Variants in ULBP1 observed in about 807,000 individuals in gnomAD.
The protein encoded by ULBP1 is UL16 binding protein 1, also known as UL16-binding protein 1.
In ULBP1, 28 loss-of-function variants were observed where a neutral mutation model predicts 25.3. The ratio of observed to expected loss-of-function variants is 1.10; its 90% CI spans 0.82 to 1.51. The LOEUF is 1.51. Ranked by LOEUF, ULBP1 falls within the 40% of genes most tolerant of loss-of-function variation. The pLI is 0.00. For missense variants in ULBP1, 348 were observed against 290.9 expected (o/e 1.20, Z -1.43); for synonymous variants, 129 against 103.0 (o/e 1.25, Z -1.53).
chr6:149,973,632 A>G lies in ULBP1; in HGVS notation c.*2286A>G, dbSNP rs759724931. On this transcript the variant is annotated 3_prime_UTR_variant, in exon 5 of 5. Coordinates refer to ENST00000229708, the MANE Select transcript of ULBP1 (RefSeq NM_025218.4). ...TAAGTTGTATGATGATAATTGTATA[A>G]AAATTTGTATGATGATAATTGTATA... 1 of 152,216 alleles carries G rather than the reference A, an allele frequency of 6.6e-6. No homozygotes were observed. Among genetic ancestry groups the G allele is most frequent in the Non-Finnish European group, 1.5e-5 (1 of 68,036 alleles). 9.4% of individuals were successfully genotyped at this position (152,216 alleles called of 1,614,324 possible).
intron 1 of ULBP1, among the ~76,000 whole-genome samples, chr6:149,966,101 T>C (rs1023843852): frequency 1.3e-4 from 20 of 152,020 alleles, no homozygotes; most frequent in African/African-American, 4.4e-4. Flanking sequence ...TATAGAATAG[T>C]CACTAAGCAG....
chr6:149,970,664 C>T (rs1350833006), intron 4 of ULBP1, among the ~76,000 whole-genome samples: 7 of 152,210 alleles, frequency 4.6e-5, no homozygotes, highest in Non-Finnish European at 8.8e-5. Context: ...AGCTCGGGTC[C>T]CAGCAGTTAA....
intron 4 of ULBP1, among the ~76,000 whole-genome samples, chr6:149,971,144 G>C (rs1370972795): frequency 6.6e-6 from 1 of 152,200 alleles, no homozygotes; most frequent in Non-Finnish European, 1.5e-5. Context: ...AGCCTCAGTT[G>C]TGAGCCCCCC....
In ULBP1 at chr6:149,970,037, G is replaced by T; in HGVS notation, c.647G>T (p.Gly216Val). The part of the protein sequence containing the change: ...DPTKPPSLAP[G>V]TTQPKAMATT... Reference sequence around the variant, plus strand: ...TCAGAACCACCCTCTCTGGCCCCAGGCACAACCCAACCCAAGGCCATGGCC... The same window carrying T: ...TCAGAACCACCCTCTCTGGCCCCAGTCACAACCCAACCCAAGGCCATGGCC... The change falls in exon 4 of 5, where the codon GGC becomes GTC. Residue 216 changes from glycine (G) to valine (V), a missense_variant. Gly to Val is a moderately radical substitution (Grantham distance 109, BLOSUM62 -3). Transcript: ENST00000229708. 6.2e-7 allele frequency: 1 copy of T among 1,613,076 alleles called. No homozygotes were observed. The highest frequency in any genetic ancestry group is 1.1e-5 in the South Asian group (1 of 90,714).
chr6:149,968,766 A>G lies in ULBP1; in HGVS notation c.245A>G (p.Asn82Ser). The change falls in exon 2 of 5, where the codon AAT (asparagine) becomes AGT (serine). Residue 82 changes from asparagine to serine, a missense_variant. Physicochemically the swap from Asn to Ser is conservative, Grantham distance 46. Transcript: ENST00000229708. ...TTTGCTTCTCTGGGGAAGAAAGTCA[A>G]TGTCACAAAAACCTGGGAAGAACAA... ...KAFASLGKKV[N>S]VTKTWEEQTE... The G allele has an allele frequency of 3.7e-6, 6 of 1,614,246 alleles. No individual in the cohort carries two copies. Among genetic ancestry groups the G allele is most frequent in the Non-Finnish European group, 3.4e-6 (4 of 1,180,038 alleles).
chr6:149,969,155 G>T lies in ULBP1; in HGVS notation c.420G>T (p.Gln140His), dbSNP rs772627436. The T allele has an allele frequency of 6.2e-7, 1 of 1,614,254 alleles. No individual in the cohort carries two copies. Among genetic ancestry groups the T allele is most frequent in the Non-Finnish European group, 8.5e-7 (1 of 1,180,044 alleles). The change falls in exon 3 of 5, where the codon CAG (glutamine) becomes CAT (histidine). Residue 140 changes from glutamine (Q) to histidine (H), a missense_variant. Coordinates refer to ENST00000229708, the MANE Select transcript of ULBP1 (RefSeq NM_025218.4). ...ATGGACACGGCAGAGGATCTTGGCA[G>T]TTCCTCTTCAATGGACAGAAGTTCC... is the stretch of plus-strand genomic sequence containing the variant. ...EAHGHGRGSW[Q>H]FLFNGQKFLL...
chr6:149,970,120 A>T lies in ULBP1; in HGVS notation c.730A>T (p.Arg244Ter). Residue 244 changes from arginine to a stop codon, truncating the protein, a stop_gained, in exon 4 of 5, where the codon AGA becomes TGA. Transcript: ENST00000229708. LOFTEE classifies it high-confidence loss of function. ...CTTCCTCTGCTTCATTCTAGCTGGC[A>T]GATGAGGAGAGTTGTTTAGAGTGAC... ...IIFLCFILAG[R>*] 6.2e-7 allele frequency: 1 copy of T among 1,605,400 alleles called. No individual in the cohort carries two copies. Among genetic ancestry groups the T allele is most frequent in the Non-Finnish European group, 8.5e-7 (1 of 1,175,804 alleles).
Position 149,969,206 on chromosome 6 carries a change from G to A in ULBP1, c.471G>A (p.Lys157=). The part of the protein sequence containing the change: ...KFLLFDSNNR[K]WTALHPGAKK... ...TCCTCTTTGACTCAAACAACAGAAA[G>A]TGGACAGCACTTCATCCTGGAGCCA... Residue 157 remains lysine (K), a synonymous_variant, in exon 3 of 5, where the codon AAG becomes AAA. Coordinates refer to ENST00000229708, the MANE Select transcript of ULBP1 (RefSeq NM_025218.4). 1 of 1,614,234 alleles carries A rather than the reference G, an allele frequency of 6.2e-7. No homozygotes were observed. Among genetic ancestry groups the A allele is most frequent in the Non-Finnish European group, 8.5e-7 (1 of 1,180,046 alleles).
At chr6:149,965,313 TGTCTCCCCGAAC>T (rs1779186520) in intron 1 of ULBP1, among the ~76,000 whole-genome samples, 1 of 140,972 alleles carries the variant, frequency 7.1e-6, no homozygotes, top group African/African-American at 2.7e-5. Flanking sequence ...CGAACATCGC[TGTCTCCCCGAAC>T]GTGCCTGGCT....
rs1779267235 is a variant in ULBP1, at chr6:149,969,358, CAAGT to C, written c.625+3_625+6del. 4 of 1,612,014 alleles carry C rather than the reference CAAGT, an allele frequency of 2.5e-6. No homozygotes were observed. Among genetic ancestry groups the C allele is most frequent in the African/African-American group, 1.3e-5 (1 of 75,002 alleles). On this transcript the variant is annotated splice_donor_variant and coding_sequence_variant, in exon 3 of 5. Coordinates refer to ENST00000229708, the MANE Select transcript of ULBP1 (RefSeq NM_025218.4). LOFTEE classifies it high-confidence loss of function. ...TACTGGGAACAAATGCTGGATCCAA[CAAGT>C]AAGTGAGAGGGGGATAAATGGAAGC...
At position 149,968,869 on chromosome 6, in the gene ULBP1, T is replaced by C; in HGVS notation, c.348T>C (p.Ile116=). The C allele has an allele frequency of 8.1e-6, 13 of 1,613,354 alleles. No homozygotes were observed. The highest frequency in any genetic ancestry group is 1.1e-5 in the Non-Finnish European group (13 of 1,179,562). ...TTCAAGTGGAGAATTTAATACCCAT[T>C]GGTAAGTTTAAAATGGCCCAGGGAG... ...LDIQVENLIP[I]EPLTLQARMS... is the part of the protein sequence containing the mutation. Residue 116 remains isoleucine (I), a splice_region_variant and synonymous_variant, in exon 2 of 5, where the codon ATT becomes ATC. Transcript: ENST00000229708.
In ULBP1 at chr6:149,969,107, G is replaced by C. The variant is rs1405374362; in HGVS notation, c.372G>C (p.Arg124Ser). 2 of 1,614,124 alleles carry C rather than the reference G, an allele frequency of 1.2e-6. No individual in the cohort carries two copies. The highest frequency in any genetic ancestry group is 2.7e-5 in the African/African-American group (2 of 74,940). ...IPIEPLTLQA[R>S]MSCEHEAHGH... ...CAGAGCCCCTCACCCTGCAGGCCAG[G>C]ATGTCTTGTGAGCATGAAGCCCATG... The change falls in exon 3 of 5, where the codon AGG becomes AGC. Residue 124 changes from arginine (R) to serine (S), a missense_variant. Coordinates refer to ENST00000229708, the MANE Select transcript of ULBP1 (RefSeq NM_025218.4).
Position 149,964,005 on chromosome 6 carries a change from A to G in ULBP1, c.-45A>G. ...ATAAACAGCCGTGGTGTGAGCCTCG[A>G]AGGGAACCATCAGCGCCTCCTGTCC... On this transcript the variant is annotated 5_prime_UTR_variant, in exon 1 of 5. Coordinates refer to ENST00000229708, the MANE Select transcript of ULBP1 (RefSeq NM_025218.4). 1 of 1,602,570 alleles carries G rather than the reference A, an allele frequency of 6.2e-7. No individual in the cohort carries two copies. The highest frequency in any genetic ancestry group is 8.5e-7 in the Non-Finnish European group (1 of 1,170,622).
intron 1 of ULBP1, among the ~76,000 whole-genome samples, chr6:149,964,936 G>T (rs1240288900): frequency 2.3e-5 from 3 of 130,114 alleles, no homozygotes; most frequent in Non-Finnish European, 4.8e-5. Context: ...CCGAAACATT[G>T]CGATCTCCCC....
chr6:149,964,760 G>GC (rs1779168135), intron 1 of ULBP1, among the ~76,000 whole-genome samples: 1 of 116,926 alleles, frequency 8.6e-6, no homozygotes. Flanking sequence ...CCGGCGCGAT[G>GC]CCCCCGAACA....
chr6:149,969,002 A>G (rs1462390810), intron 2 of ULBP1, 83 bp from the exon 3 acceptor site: 54 of 1,565,870 alleles, frequency 3.4e-5, no homozygotes, highest in Non-Finnish European at 4.5e-5. Flanking sequence ...CAGCAGAGAG[A>G]GCAAGTCCAG....
At chr6:149,966,475 G>A (rs1779206337) in intron 1 of ULBP1, among the ~76,000 whole-genome samples, 1 of 152,254 alleles carries the variant, frequency 6.6e-6, no homozygotes, top group East Asian at 1.9e-4. Flanking sequence ...CTTTGCTGCT[G>A]GGTGGCATCA....
chr6:149,969,438 T>A, intron 3 of ULBP1, 78 bp downstream of exon 3: 1 of 1,558,912 alleles, frequency 6.4e-7, no homozygotes, highest in Non-Finnish European at 8.7e-7. Flanking sequence ...AGTGCGTGTG[T>A]GTGTGTGTTT....
chr6:149,970,336 T>C (rs1779292190), intron 4 of ULBP1, among the ~76,000 whole-genome samples, 189 bp downstream of exon 4: 1 of 150,620 alleles, frequency 6.6e-6, no homozygotes, highest in Admixed American at 6.7e-5. Context: ...GGATTCTAAC[T>C]GTCAGAGGCC....
Sources: gnomAD v4.1 joint callset for allele counts (sites outside exome capture counted in the v4.1 genomes callset) on GRCh38, gnomAD v4.1.1 for gene constraint, MANE v1.5 for transcripts, NCBI Gene and HGNC (gene_info 2026-07-23, HGNC 2026-07-21) for gene names.